PID1: variants seen among roughly 807,000 people sequenced by gnomAD.
The protein encoded by PID1 is PTB-containing, cubilin and LRP1-interacting protein.
A neutral mutation model predicts 19.1 loss-of-function variants in PID1; 10 were observed. The observed-to-expected ratio is 0.52, with a 90% CI of 0.32 to 0.89. The LOEUF is 0.89. Among genes scored for constraint, PID1 ranks in the 40% least tolerant of loss-of-function variants. The pLI is 0.03. For synonymous variants in PID1, 130 were observed against 116.0 expected (o/e 1.12, Z -0.78); for missense variants, 248 against 285.3 (o/e 0.87, Z 0.94).
intron 1 of PID1, chr2:229,232,097 G>C: frequency 6.7e-7 from 1 of 1,493,632 alleles, no homozygotes; most frequent in Non-Finnish European, 8.9e-7. Flanking sequence ...CCATTCAAGA[G>C]GGGAGGAGCC....
chr2:229,071,151 G>A (rs1399409910), intron 2 of PID1, among the ~76,000 whole-genome samples: 3 of 152,118 alleles, frequency 2.0e-5, no homozygotes, highest in African/African-American at 7.2e-5. Flanking sequence ...ATAATTTTTA[G>A]AAAGAAAAAA....
intron 2 of PID1, among the ~76,000 whole-genome samples, chr2:229,121,737 A>G (rs1695526257): frequency 6.6e-6 from 1 of 152,176 alleles, no homozygotes; most frequent in Admixed American, 6.6e-5. Context: ...TATTCATTCA[A>G]TAAATATTTA....
At chr2:229,159,833 G>T (rs1044291311) in intron 1 of PID1, among the ~76,000 whole-genome samples, 3 of 152,146 alleles carry the variant, frequency 2.0e-5, no homozygotes, top group African/African-American at 7.2e-5. Flanking sequence ...TCGTAATCTG[G>T]AAGTTTCTGT....
Position 229,212,016 on chromosome 2 carries a change from C to T in PID1, c.31-56052G>A, listed in dbSNP as rs80272079. On this transcript the variant is annotated intron_variant, in intron 1 of 2. Transcript: ENST00000392055. ...GTCATTCTTCTAAAATCAGTTTTAA[C>T]TTTACAGTTGCACAAAGACAGGTGG... 1.5e-3 allele frequency among the ~76,000 whole-genome samples: 225 copies of T among 152,286 alleles called. 4 individuals are homozygous for T. The East Asian group carries it at 0.042, about 28-fold the overall frequency.
At chr2:229,128,938 T>A (rs1689648016) in intron 2 of PID1, among the ~76,000 whole-genome samples, 1 of 152,236 alleles carries the variant, frequency 6.6e-6, no homozygotes, top group Admixed American at 6.5e-5. Flanking sequence ...AGGGGATGGA[T>A]ACCCCATTCT....
At chr2:229,037,284 G>T (rs1244763632) in intron 2 of PID1, among the ~76,000 whole-genome samples, 1 of 152,080 alleles carries the variant, frequency 6.6e-6, no homozygotes, top group Non-Finnish European at 1.5e-5. Flanking sequence ...GGAGGAAAAA[G>T]CAAATTTACC....
At chr2:229,099,572 C>A (rs556340825) in intron 2 of PID1, among the ~76,000 whole-genome samples, 106 of 152,178 alleles carry the variant, frequency 7.0e-4, no homozygotes, top group Non-Finnish European at 1.1e-3. Context: ...ACATGTAAGT[C>A]CCATGTTAGA....
chr2:229,216,937 A>G (rs1343136176), intron 1 of PID1, among the ~76,000 whole-genome samples: 1 of 152,198 alleles, frequency 6.6e-6, no homozygotes, highest in Non-Finnish European at 1.5e-5. Context: ...TAAGCAGATA[A>G]CTGTTTTTGT....
intron 2 of PID1, among the ~76,000 whole-genome samples, chr2:229,038,062 A>G (rs1048557088): frequency 3.9e-5 from 6 of 152,358 alleles, no homozygotes; most frequent in African/African-American, 1.4e-4. Flanking sequence ...ATGTTGAGAC[A>G]GCATGTGGTT....
In PID1 at chr2:229,121,648, C is replaced by T. The variant is rs114942994; in HGVS notation, c.177+34170G>A. On this transcript the variant is annotated intron_variant, in intron 2 of 2. Coordinates refer to ENST00000392055, the MANE Select transcript of PID1 (RefSeq NM_001100818.2). ...ATTGGAAAATGGGCTTATTCATTTG[C>T]TATGTATTCTGTCGGGCTCTCCTCT... is the stretch of plus-strand genomic sequence containing the variant. Among the ~76,000 whole-genome samples the T allele has an allele frequency of 9.1e-3, 1,378 of 152,206 alleles. 16 individuals are homozygous for T. Among genetic ancestry groups the T allele is most frequent in the Non-Finnish European group, 9.9e-3 (674 of 68,022 alleles).
At chr2:229,266,777 T>C (rs950124633) in intron 1 of PID1, among the ~76,000 whole-genome samples, 1 of 152,136 alleles carries the variant, frequency 6.6e-6, no homozygotes, top group Admixed American at 6.5e-5. Flanking sequence ...AGCCAGATAG[T>C]TAAAATAAAG....
intron 1 of PID1, among the ~76,000 whole-genome samples, chr2:229,213,824 A>G (rs1237642814): frequency 6.6e-6 from 1 of 152,238 alleles, no homozygotes; most frequent in Non-Finnish European, 1.5e-5. Context: ...TAAGCTACCC[A>G]AGGACCCTTG....
intron 2 of PID1, among the ~76,000 whole-genome samples, chr2:229,085,145 T>C (rs1694740166): frequency 6.6e-6 from 1 of 151,964 alleles, no homozygotes; most frequent in Admixed American, 6.6e-5. Flanking sequence ...ATTACAATTA[T>C]TTTAATTATA....
intron 2 of PID1, among the ~76,000 whole-genome samples, chr2:229,150,106 TG>T (rs111700311): frequency 2.0e-3 from 308 of 151,826 alleles, no homozygotes; most frequent in African/African-American, 6.1e-3. Flanking sequence ...TGGTGGCGGA[TG>T]CCTGCAATTT....
chr2:229,035,983 C>A (rs1693654911), intron 2 of PID1, among the ~76,000 whole-genome samples: 1 of 152,162 alleles, frequency 6.6e-6, no homozygotes, highest in Non-Finnish European at 1.5e-5. Flanking sequence ...AATATTCAGA[C>A]ATCATATTCC....
chr2:229,246,901 G>A (rs1690018540), intron 1 of PID1, among the ~76,000 whole-genome samples: 3 of 152,072 alleles, frequency 2.0e-5, no homozygotes, highest in African/African-American at 7.2e-5. Context: ...AATGGAGAAG[G>A]TTTATCATGA....
intron 2 of PID1, among the ~76,000 whole-genome samples, chr2:229,146,846 A>G (rs1219287430): frequency 6.6e-6 from 1 of 152,184 alleles, no homozygotes; most frequent in African/African-American, 2.4e-5. Context: ...CAGAGATTGC[A>G]GTGATGTACC....
chr2:229,102,055 C>T (rs1427911886), intron 2 of PID1, among the ~76,000 whole-genome samples: 3 of 151,982 alleles, frequency 2.0e-5, no homozygotes, highest in Non-Finnish European at 4.4e-5. Flanking sequence ...CCACTGCTGG[C>T]TTTGAAGATG....
rs1009756436 is a variant in PID1, at chr2:229,050,205, C to A, written c.178-24097G>T. 2.0e-5 allele frequency among the ~76,000 whole-genome samples: 3 copies of A among 152,094 alleles called. No individual in the cohort carries two copies. The East Asian group carries it at 5.8e-4, about 29-fold the overall frequency. ...ATCTTAGCCAACCATACAAAAGGCCCGCAGCTGTATCTGTACAATCCCCCA... is the reference window on the plus strand; with the variant it reads ...ATCTTAGCCAACCATACAAAAGGCCAGCAGCTGTATCTGTACAATCCCCCA... On this transcript the variant is annotated intron_variant, in intron 2 of 2. Transcript: ENST00000392055.
Sources: gnomAD v4.1 joint callset for allele counts (sites outside exome capture counted in the v4.1 genomes callset) on GRCh38, gnomAD v4.1.1 for gene constraint, MANE v1.5 for transcripts, NCBI Gene and HGNC (gene_info 2026-07-23, HGNC 2026-07-21) for gene names.